SHLD1: variants seen among roughly 807,000 people sequenced by gnomAD.
The protein encoded by SHLD1 is RINN1-REV7-interacting novel NHEJ regulator 3.
SHLD1 carries 3 observed loss-of-function variants against 5.5 expected under a neutral mutation model. The ratio of observed to expected loss-of-function variants is 0.54; its 90% confidence interval spans 0.25 to 1.40. The LOEUF (loss-of-function observed/expected upper bound fraction) is 1.40, where lower values mean the gene tolerates loss of function less well. SHLD1 is among the 40% of genes most tolerant of loss of function. The probability of loss-of-function intolerance (pLI) is 0.15; values close to 1 mark genes in which losing one functional copy is unlikely to be tolerated. For synonymous variants in SHLD1, 92 were observed against 94.3 expected (o/e 0.98, Z 0.14); for missense variants, 210 against 244.4 (o/e 0.86, Z 0.94).
chr20:5,784,106 G>A (rs2087023808), intron 2 of SHLD1, among the ~76,000 whole-genome samples: 2 of 151,510 alleles, frequency 1.3e-5, no homozygotes, highest in Admixed American at 1.3e-4. Context: ...AGCCGAGATG[G>A]CGCCACGGGC....
chr20:5,788,064 T>C (rs1015161845), intron 2 of SHLD1, among the ~76,000 whole-genome samples: 1 of 152,210 alleles, frequency 6.6e-6, no homozygotes, highest in African/African-American at 2.4e-5. Flanking sequence ...CCTAGTGGAG[T>C]TGTTTCTTTT....
chr20:5,850,511 A>ATTT (rs1156477129), intron 2 of SHLD1, among the ~76,000 whole-genome samples: 2 of 132,666 alleles, frequency 1.5e-5, no homozygotes, highest in Non-Finnish European at 1.6e-5. Flanking sequence ...TTTAGTTTTA[A>ATTT]TTTTTTTTTT....
chr20:5,786,854 G>C (rs896404205), intron 2 of SHLD1, among the ~76,000 whole-genome samples: 1 of 151,672 alleles, frequency 6.6e-6, no homozygotes. Context: ...GCAGGGAAGG[G>C]GAATCTCTGC....
intron 1 of SHLD1, among the ~76,000 whole-genome samples, chr20:5,765,997 A>G (rs1240460359): frequency 6.6e-6 from 1 of 152,040 alleles, no homozygotes; most frequent in Non-Finnish European, 1.5e-5. Context: ...CAAAGAAAAT[A>G]TAGGTATCAT....
rs1467358904 is a variant in SHLD1, at chr20:5,806,454, A to G, written c.178+33411A>G. On this transcript the variant is annotated intron_variant, in intron 2 of 2. Transcript: ENST00000303142. The surrounding 1 kb of genome is among the most constrained non-coding windows in gnomAD (Gnocchi z 7.6). The stretch of plus-strand genomic sequence containing the variant: ...ATCATTTTCCTGTATTACTGTGGGG[A>G]AGTGGATTATCTGCAATACATGCCT... 2.0e-5 allele frequency among the ~76,000 whole-genome samples: 3 copies of G among 152,130 alleles called. No individual in the cohort carries two copies. Among genetic ancestry groups the G allele is most frequent in the African/African-American group, 7.2e-5 (3 of 41,422 alleles).
intron 2 of SHLD1, among the ~76,000 whole-genome samples, chr20:5,835,348 C>T (rs897967491): frequency 2.0e-5 from 3 of 152,238 alleles, no homozygotes; most frequent in African/African-American, 4.8e-5. Flanking sequence ...TATCTACCAT[C>T]ACACTGTGCC....
At chr20:5,764,560 A>G (rs1389652718) in intron 1 of SHLD1, among the ~76,000 whole-genome samples, 3 of 149,544 alleles carry the variant, frequency 2.0e-5, no homozygotes, top group African/African-American at 4.9e-5. Flanking sequence ...TTTGCCAAGT[A>G]TGGTGTCTCA....
intron 2 of SHLD1, among the ~76,000 whole-genome samples, chr20:5,775,927 T>TTTTTTTTTTTTTTTC (rs1568496575): frequency 9.0e-6 from 1 of 111,204 alleles, no homozygotes; most frequent in East Asian, 2.1e-4. Flanking sequence ...CTCAGGATTT[T>TTTTTTTTTTTTTTTC]TTTTTTTTTT....
At chr20:5,861,160 T>G (rs1163875612) in intron 2 of SHLD1, among the ~76,000 whole-genome samples, 1 of 152,240 alleles carries the variant, frequency 6.6e-6, no homozygotes, top group African/African-American at 2.4e-5. Context: ...TGGCCTTTTG[T>G]TCATCAACTC....
At chr20:5,803,594 G>A (rs184636254) in intron 2 of SHLD1, among the ~76,000 whole-genome samples, 2 of 152,308 alleles carry the variant, frequency 1.3e-5, no homozygotes, top group Admixed American at 1.3e-4. Flanking sequence ...ACAAGGGCCA[G>A]TCGCGGTGGC....
chr20:5,801,395 T>C (rs2122339665), intron 2 of SHLD1, among the ~76,000 whole-genome samples: 1 of 152,278 alleles, frequency 6.6e-6, no homozygotes, highest in Admixed American at 6.5e-5. Flanking sequence ...TCTTGAATGT[T>C]GCTATTGCCT....
intron 2 of SHLD1, among the ~76,000 whole-genome samples, chr20:5,786,012 C>T (rs1278071216): frequency 6.6e-6 from 1 of 152,022 alleles, no homozygotes; most frequent in Admixed American, 6.6e-5. Flanking sequence ...ACTACTTGTG[C>T]ACTAATTGGA....
chr20:5,838,828 T>G (rs1034115965), intron 2 of SHLD1, among the ~76,000 whole-genome samples: 12 of 152,242 alleles, frequency 7.9e-5, no homozygotes, highest in Non-Finnish European at 1.8e-4. Flanking sequence ...GCAGCCCTGC[T>G]TCTGTGTACA....
chr20:5,856,380 G>A (rs1219326738), intron 2 of SHLD1, among the ~76,000 whole-genome samples: 1 of 152,244 alleles, frequency 6.6e-6, no homozygotes, highest in African/African-American at 2.4e-5. Flanking sequence ...ATAGGGCTGG[G>A]CTGGAGGTGG....
At position 5,823,596 on chromosome 20, in the gene SHLD1, C is replaced by T. The variant is rs938649197; in HGVS notation, c.179-39428C>T. On this transcript the variant is annotated intron_variant, in intron 2 of 2. Transcript: ENST00000303142. ...CCTAGTAGCTGGGATTACAGGCGCC[C>T]GCCACCACACCCAGTTAATTTTTGT... Among the ~76,000 whole-genome samples the T allele has an allele frequency of 2.6e-5, 4 of 151,780 alleles. No homozygotes were observed. In the East Asian group the frequency reaches 5.8e-4, roughly 22 times the overall value.
intron 2 of SHLD1, among the ~76,000 whole-genome samples, chr20:5,817,926 A>G (rs1296589007): frequency 6.6e-6 from 1 of 152,134 alleles, no homozygotes; most frequent in African/African-American, 2.4e-5. Context: ...TGGTCTAGGA[A>G]GTGCCTCCAG....
rs1451016272 is a variant in SHLD1, at chr20:5,844,785, A to ATTT, written c.179-18238_179-18237insTTT. Among the ~76,000 whole-genome samples, 869 of 102,208 alleles carry ATTT rather than the reference A, an allele frequency of 8.5e-3. 27 individuals carry two copies. The highest frequency in any genetic ancestry group is 0.05 in the East Asian group (133 of 2,660). 67.1% of individuals were successfully genotyped at this position (102,208 alleles called of 152,430 possible). On this transcript the variant is annotated intron_variant, in intron 2 of 2. Coordinates refer to ENST00000303142, the MANE Select transcript of SHLD1 (RefSeq NM_152504.4). ...GTGTAGTAGACATATATATATATATATATATATATATATATTTTTTTTTTT... is the reference window on the plus strand; with the variant it reads ...GTGTAGTAGACATATATATATATATATTTTATATATATATATATTTTTTTTTTT...
Position 5,772,023 on chromosome 20 carries a change from C to A in SHLD1, c.-4-839C>A, listed in dbSNP as rs140876696. ...CCAAGTAGCTGGGATTACAGGCACC[C>A]ACCACCAAGCCTGGCTAAATTTTTG... On this transcript the variant is annotated intron_variant, in intron 1 of 2. Coordinates refer to ENST00000303142, the MANE Select transcript of SHLD1 (RefSeq NM_152504.4). 5.9e-3 allele frequency: 2,460 copies of A among 416,986 alleles called. 44 individuals carry two copies. The highest frequency in any genetic ancestry group is 0.044 in the African/African-American group (2,136 of 48,058). 25.8% of individuals were successfully genotyped at this position (416,986 alleles called of 1,614,324 possible).
chr20:5,846,729 G>A (rs193114464), intron 2 of SHLD1, among the ~76,000 whole-genome samples: 3 of 152,300 alleles, frequency 2.0e-5, no homozygotes, highest in Admixed American at 2.0e-4. Flanking sequence ...GGACGGGATC[G>A]GGGGAACCAT....
Sources: allele counts gnomAD v4.1 joint callset (sites outside exome capture counted in the v4.1 genomes callset), GRCh38; gene constraint gnomAD v4.1.1; non-coding constraint Gnocchi (gnomAD v3.1); transcripts MANE v1.5; gene names NCBI Gene and HGNC (gene_info 2026-07-23, HGNC 2026-07-21).